The following YWHAG variants were observed in gnomAD, a reference collection of about 807,000 sequenced individuals.
The protein encoded by YWHAG is 14-3-3 protein gamma.
YWHAG carries 1 observed loss-of-function variant against 23.3 expected under a neutral mutation model. The observed-to-expected ratio is 0.04, with a 90% CI of 0.02 to 0.20. YWHAG has a LOEUF of 0.20. YWHAG is among the 10% of genes least tolerant of loss of function. The probability of loss-of-function intolerance (pLI) is 1.00; values close to 1 mark genes in which losing one functional copy is unlikely to be tolerated. For missense variants in YWHAG, 151 were observed against 338.6 expected, an observed-to-expected ratio of 0.45 and a Z score of 4.35; for synonymous variants, 160 against 144.0, an observed-to-expected ratio of 1.11 and a Z score of -0.80.
intron 1 of YWHAG, among the ~76,000 whole-genome samples, chr7:76,335,937 G>C (rs1195905251): frequency 6.6e-6 from 1 of 152,086 alleles, no homozygotes; most frequent in African/African-American, 2.4e-5. Flanking sequence ...GCAACAGAGC[G>C]ATCTGTCCGC....
At chr7:76,337,115 C>A (rs979153932) in intron 1 of YWHAG, among the ~76,000 whole-genome samples, 3 of 152,266 alleles carry the variant, frequency 2.0e-5, no homozygotes, top group Admixed American at 2.0e-4. Flanking sequence ...CAAACATGAA[C>A]TCCCTTCTGT....
In YWHAG at chr7:76,328,699, C is replaced by T; in HGVS notation, c.*878G>A. 6.6e-6 allele frequency: 1 copy of T among 152,142 alleles called. No homozygotes were observed. The highest frequency in any genetic ancestry group is 1.9e-4 in the East Asian group (1 of 5,198). The allele number at this position is 152,142 out of a possible 1,614,324, so 9.4% of individuals were successfully genotyped here. On this transcript the variant is annotated 3_prime_UTR_variant, in exon 2 of 2. Transcript: ENST00000307630. ...CTGAAAATACCAACACGATCCATGA[C>T]ATACAGACCTGAATTTTCTCTATTT...
rs71085403 is a variant in YWHAG, at chr7:76,327,668, G to GCCCCCCCCCCCCCCCCCCCCCCCC, written c.*1908_*1909insGGGGGGGGGGGGGGGGGGGGGGGG. The GCCCCCCCCCCCCCCCCCCCCCCCC allele has an allele frequency of 6.4e-4, 30 of 47,086 alleles. No individual in the cohort carries two copies. The highest frequency in any genetic ancestry group is 1.2e-3 in the Admixed American group (5 of 4,192). 2.9% of individuals were successfully genotyped at this position (47,086 alleles called of 1,614,324 possible). A position where few individuals can be genotyped will look rare whatever the true frequency, so the allele number is the denominator to read the frequency against. On this transcript the variant is annotated 3_prime_UTR_variant, in exon 2 of 2. Coordinates refer to ENST00000307630, the MANE Select transcript of YWHAG (RefSeq NM_012479.4). ...AATTAGGGAAAGCCCCACCTACCCT[G>GCCCCCCCCCCCCCCCCCCCCCCCC]CCCCCCCCCCCCTCCCCCCCCAAAT...
chr7:76,338,959 T>C (rs1021128499), intron 1 of YWHAG, among the ~76,000 whole-genome samples: 7 of 152,220 alleles, frequency 4.6e-5, no homozygotes, highest in African/African-American at 7.2e-5. Flanking sequence ...TTAGGTTGAA[T>C]TTTGTACCGA....
At chr7:76,353,137 AT>A (rs1210482638) in intron 1 of YWHAG, among the ~76,000 whole-genome samples, 2 of 152,324 alleles carry the variant, frequency 1.3e-5, no homozygotes, top group East Asian at 3.9e-4. Flanking sequence ...TACAATTTTT[AT>A]TTTTTCTACA....
chr7:76,337,140 A>G (rs1803628033), intron 1 of YWHAG, among the ~76,000 whole-genome samples: 1 of 152,222 alleles, frequency 6.6e-6, no homozygotes, highest in South Asian at 2.1e-4. Context: ...AAGAGTTAAC[A>G]TAATAGGCTT....
At chr7:76,336,757 T>G (rs1474408129) in intron 1 of YWHAG, among the ~76,000 whole-genome samples, 1 of 135,602 alleles carries the variant, frequency 7.4e-6, no homozygotes, top group Admixed American at 7.2e-5. Flanking sequence ...TGCCCGGTCT[T>G]TTTTTTTTTT....
At chr7:76,348,565 G>A (rs1395448733) in intron 1 of YWHAG, among the ~76,000 whole-genome samples, 2 of 151,758 alleles carry the variant, frequency 1.3e-5, no homozygotes, top group African/African-American at 2.4e-5. Context: ...CACCACGCCC[G>A]ACTAATTTTT....
chr7:76,355,699 A>T (rs1803945094), intron 1 of YWHAG, among the ~76,000 whole-genome samples: 1 of 152,202 alleles, frequency 6.6e-6, no homozygotes, highest in Non-Finnish European at 1.5e-5. Flanking sequence ...CCCACTAGGA[A>T]TATTTAGAAA....
intron 1 of YWHAG, among the ~76,000 whole-genome samples, chr7:76,352,179 GT>G (rs1431866219): frequency 6.6e-6 from 1 of 152,204 alleles, no homozygotes; most frequent in African/African-American, 2.4e-5. Context: ...TAGGCATTTT[GT>G]TTCCCAGATC....
intron 1 of YWHAG, 68 bp from the exon 2 acceptor site, chr7:76,330,301 G>T: frequency 6.7e-7 from 1 of 1,499,324 alleles, no homozygotes; most frequent in Admixed American, 1.9e-5. Context: ...GTATCTTTGA[G>T]ACACTAGAAC....
At chr7:76,358,419 A>C (rs1243752731) in intron 1 of YWHAG, among the ~76,000 whole-genome samples, 5 of 151,988 alleles carry the variant, frequency 3.3e-5, no homozygotes, top group Non-Finnish European at 2.9e-5. Flanking sequence ...GGTCCCCTGC[A>C]CCCCTAGAGC....
intron 1 of YWHAG, among the ~76,000 whole-genome samples, chr7:76,354,206 C>T (rs1472348208): frequency 1.3e-5 from 2 of 151,938 alleles, no homozygotes; most frequent in South Asian, 2.1e-4. Flanking sequence ...CTTTGACTAC[C>T]GAGCATAGAA....
chr7:76,353,368 A>G (rs1230965521), intron 1 of YWHAG, among the ~76,000 whole-genome samples: 4 of 152,150 alleles, frequency 2.6e-5, no homozygotes, highest in Admixed American at 2.6e-4. Context: ...GCATGCCACC[A>G]TGCCCAGCTA....
rs182329308 is a variant in YWHAG, at chr7:76,354,428, T to C, written c.87+4294A>G. 2.3e-4 allele frequency among the ~76,000 whole-genome samples: 35 copies of C among 152,030 alleles called. No individual in the cohort carries two copies. The East Asian group carries it at 6.3e-3, about 27-fold the overall frequency. On this transcript the variant is annotated intron_variant, in intron 1 of 1. Coordinates refer to ENST00000307630, the MANE Select transcript of YWHAG (RefSeq NM_012479.4). ...TGGGAGGCTGAGGCAGGAGAATCACTTGAACCTGGGAGGCAGAGGTTGCGG... is the reference window on the plus strand; with the variant it reads ...TGGGAGGCTGAGGCAGGAGAATCACCTGAACCTGGGAGGCAGAGGTTGCGG...
At chr7:76,332,904 A>G (rs943425287) in intron 1 of YWHAG, among the ~76,000 whole-genome samples, 4 of 152,074 alleles carry the variant, frequency 2.6e-5, no homozygotes, top group Non-Finnish European at 4.4e-5. Context: ...GCGTTTTGCC[A>G]TGTTGGCCAG....
chr7:76,340,965 C>A (rs914459576), intron 1 of YWHAG, among the ~76,000 whole-genome samples: 1 of 152,204 alleles, frequency 6.6e-6, no homozygotes, highest in African/African-American at 2.4e-5. Flanking sequence ...CAGCCTCGGG[C>A]TCAAGCAATC....
chr7:76,336,871 T>C (rs1378980068), intron 1 of YWHAG, among the ~76,000 whole-genome samples: 1 of 150,902 alleles, frequency 6.6e-6, no homozygotes, highest in Non-Finnish European at 1.5e-5. Flanking sequence ...CCAAGGGCCA[T>C]GAAAAAGAGA....
In YWHAG at chr7:76,329,841, G is replaced by C; in HGVS notation, c.480C>G (p.Ile160Met). The change falls in exon 2 of 2, where the codon ATC (isoleucine) becomes ATG (methionine). Residue 160 changes from isoleucine (I) to methionine (M), a missense_variant. By Grantham distance (10) the Ile-to-Met change is conservative. Coordinates refer to ENST00000307630, the MANE Select transcript of YWHAG (RefSeq NM_012479.4). This position sits in a 1 kb window ranked among gnomAD's most constrained non-coding sequence, Gnocchi z 6.1. ...SEKAYSEAHE[I>M]SKEHMQPTHP... The stretch of plus-strand genomic sequence containing the variant: ...GGGTGGGCTGCATGTGCTCTTTGCT[G>C]ATCTCGTGGGCTTCGCTGTAGGCCT... 1 of 1,614,002 alleles carries C rather than the reference G, an allele frequency of 6.2e-7. No individual in the cohort carries two copies. The highest frequency in any genetic ancestry group is 8.5e-7 in the Non-Finnish European group (1 of 1,179,984).
Sources: gnomAD v4.1 joint callset for allele counts (sites outside exome capture counted in the v4.1 genomes callset) on GRCh38, gnomAD v4.1.1 for gene constraint, Gnocchi (gnomAD v3.1) non-coding constraint, MANE v1.5 for transcripts, NCBI Gene and HGNC (gene_info 2026-07-23, HGNC 2026-07-21) for gene names.